The following ARHGAP24 variants were observed in gnomAD, a reference collection of about 807,000 sequenced individuals.
The protein encoded by ARHGAP24 is rho GTPase-activating protein 24.
In ARHGAP24, 50 loss-of-function variants were observed where a neutral mutation model predicts 76.4. The observed-to-expected ratio is 0.65, with a 90% CI of 0.52 to 0.83. The LOEUF is 0.83. ARHGAP24 is among the 40% of genes least tolerant of loss of function. ARHGAP24 has a pLI of 0.00. For missense variants in ARHGAP24, 930 were observed against 914.2 expected (o/e 1.02, Z -0.22); for synonymous variants, 345 against 323.3 (o/e 1.07, Z -0.72).
intron 5 of ARHGAP24, among the ~76,000 whole-genome samples, chr4:85,958,130 A>G (rs892373222): frequency 6.6e-6 from 1 of 152,218 alleles, no homozygotes; most frequent in Non-Finnish European, 1.5e-5. Flanking sequence ...TGACAGAAAA[A>G]TGTGGGACTA....
chr4:85,724,603 T>TA (rs1292214233), intron 3 of ARHGAP24, among the ~76,000 whole-genome samples: 2 of 151,256 alleles, frequency 1.3e-5, no homozygotes, highest in Admixed American at 1.3e-4. Context: ...AAAATCATAT[T>TA]AAAAAAACAA....
At chr4:85,501,535 G>T (rs919461251) in intron 1 of ARHGAP24, among the ~76,000 whole-genome samples, 1 of 152,196 alleles carries the variant, frequency 6.6e-6, no homozygotes, top group Non-Finnish European at 1.5e-5. Context: ...TTTGAGAAGT[G>T]TCTGTTCATA....
At chr4:85,493,528 A>G (rs772705766) in intron 1 of ARHGAP24, among the ~76,000 whole-genome samples, 1 of 152,092 alleles carries the variant, frequency 6.6e-6, no homozygotes, top group Non-Finnish European at 1.5e-5. Context: ...TACAACTGAT[A>G]TTTATTTTGT....
chr4:85,669,885 A>G (rs967145417), intron 2 of ARHGAP24, among the ~76,000 whole-genome samples: 2 of 151,870 alleles, frequency 1.3e-5, no homozygotes, highest in Non-Finnish European at 2.9e-5. Context: ...AAATAAACCC[A>G]GCATATTGGT....
chr4:85,956,537 C>A (rs1430940554), intron 5 of ARHGAP24, among the ~76,000 whole-genome samples: 1 of 152,068 alleles, frequency 6.6e-6, no homozygotes, highest in Non-Finnish European at 1.5e-5. Flanking sequence ...CTCACGGATT[C>A]CAAGGAATGG....
intron 2 of ARHGAP24, among the ~76,000 whole-genome samples, chr4:85,594,259 A>G (rs550245611): frequency 2.0e-4 from 30 of 152,054 alleles, no homozygotes; most frequent in African/African-American, 6.7e-4. Flanking sequence ...ATTTTTCACT[A>G]TTGGCATACA....
At chr4:85,478,688 G>T (rs1722697050) in intron 1 of ARHGAP24, among the ~76,000 whole-genome samples, 1 of 151,842 alleles carries the variant, frequency 6.6e-6, no homozygotes, top group Non-Finnish European at 1.5e-5. Flanking sequence ...CTCCCCCTTT[G>T]TGTACAAGGT....
At chr4:85,664,270 T>C (rs1275750245) in intron 2 of ARHGAP24, among the ~76,000 whole-genome samples, 1 of 151,176 alleles carries the variant, frequency 6.6e-6, no homozygotes, top group Non-Finnish European at 1.5e-5. Context: ...ATTTATCCAT[T>C]TCTTCTGGAT....
chr4:85,908,202 G>A (rs1405624971), intron 3 of ARHGAP24, among the ~76,000 whole-genome samples: 2 of 152,100 alleles, frequency 1.3e-5, no homozygotes, highest in East Asian at 1.9e-4. Flanking sequence ...GATAACATAA[G>A]TCAATATTTA....
At chr4:85,817,088 G>A (rs1484128470) in intron 3 of ARHGAP24, among the ~76,000 whole-genome samples, 1 of 152,110 alleles carries the variant, frequency 6.6e-6, no homozygotes, top group Non-Finnish European at 1.5e-5. Flanking sequence ...GCCTATTCAA[G>A]TAGTCCTTTA....
At chr4:85,546,148 T>C (rs539615960) in intron 1 of ARHGAP24, among the ~76,000 whole-genome samples, 1 of 152,306 alleles carries the variant, frequency 6.6e-6, no homozygotes, top group East Asian at 1.9e-4. Flanking sequence ...TACACATGCA[T>C]ATGCATAAGC....
intron 3 of ARHGAP24, among the ~76,000 whole-genome samples, chr4:85,916,905 CTTT>C (rs930287182): frequency 6.6e-6 from 1 of 151,916 alleles, no homozygotes; most frequent in Non-Finnish European, 1.5e-5. Flanking sequence ...GACATCACTT[CTTT>C]TTTTTATTTT....
chr4:85,841,898 A>G (rs951463725), intron 3 of ARHGAP24, among the ~76,000 whole-genome samples: 1 of 151,730 alleles, frequency 6.6e-6, no homozygotes, highest in Non-Finnish European at 1.5e-5. Flanking sequence ...GAGTTTATGT[A>G]CCAGCCACTG....
intron 3 of ARHGAP24, among the ~76,000 whole-genome samples, chr4:85,823,888 TCTTC>T (rs1431538271): frequency 2.6e-5 from 4 of 151,206 alleles, no homozygotes; most frequent in African/African-American, 9.7e-5. Context: ...TCCCTTTCTT[TCTTC>T]TTTTTCTTTT....
chr4:85,895,580 A>G (rs998984752), intron 3 of ARHGAP24, among the ~76,000 whole-genome samples: 6 of 152,112 alleles, frequency 3.9e-5, no homozygotes, highest in African/African-American at 1.4e-4. Flanking sequence ...GCAGCTATTG[A>G]TGTTTCATGG....
chr4:85,840,190 A>G (rs187506113), intron 3 of ARHGAP24, among the ~76,000 whole-genome samples: 11 of 152,104 alleles, frequency 7.2e-5, no homozygotes, highest in Admixed American at 7.2e-4. Context: ...AAGAAACTCA[A>G]TGGTCTATAT....
At chr4:85,784,943 CTATCTA>C (rs1560631924) in intron 3 of ARHGAP24, among the ~76,000 whole-genome samples, 1 of 150,862 alleles carries the variant, frequency 6.6e-6, no homozygotes, top group East Asian at 1.9e-4. Context: ...ATCTATCTAT[CTATCTA>C]TCTATCTATC....
At chr4:85,789,680 C>T (rs1287079087) in intron 3 of ARHGAP24, among the ~76,000 whole-genome samples, 2 of 152,254 alleles carry the variant, frequency 1.3e-5, no homozygotes, top group South Asian at 2.1e-4. Flanking sequence ...TTTTGACATT[C>T]GTGGTAAACT....
chr4:85,904,306 A>G (rs1337661588), intron 3 of ARHGAP24, among the ~76,000 whole-genome samples: 3 of 152,158 alleles, frequency 2.0e-5, no homozygotes. Context: ...AGAGAGAGAG[A>G]GAGAGTGGGG....
Sources: gnomAD v4.1 joint callset for allele counts (sites outside exome capture counted in the v4.1 genomes callset) on GRCh38, gnomAD v4.1.1 for gene constraint, MANE v1.5 for transcripts, NCBI Gene and HGNC (gene_info 2026-07-23, HGNC 2026-07-21) for gene names.